Variants in PHF20L1 observed in about 807,000 individuals in gnomAD.
The protein encoded by PHF20L1 is PHD finger protein 20-like protein 1.
Under a neutral mutation model 125.5 loss-of-function variants are expected in PHF20L1, and 44 were observed. The ratio of observed to expected loss-of-function variants is 0.35; its 90% CI spans 0.28 to 0.45. The LOEUF (loss-of-function observed/expected upper bound fraction) is 0.45. Among genes scored for constraint, PHF20L1 ranks in the 20% least tolerant of loss-of-function variants. The pLI is 1.00. For missense variants in PHF20L1, 1,012 were observed against 1,217.2 expected (o/e 0.83, Z 2.51); for synonymous variants, 380 against 403.1 (o/e 0.94, Z 0.69).
At chr8:132,844,887 C>G (rs1330570546) in intron 20 of PHF20L1, among the ~76,000 whole-genome samples, 1 of 152,032 alleles carries the variant, frequency 6.6e-6, no homozygotes, top group Non-Finnish European at 1.5e-5. Flanking sequence ...CCATGTTGTT[C>G]TTAATGCTTT....
chr8:132,833,466 T>C (rs1016609184), intron 15 of PHF20L1, among the ~76,000 whole-genome samples: 1 of 152,104 alleles, frequency 6.6e-6, no homozygotes, highest in African/African-American at 2.4e-5. Flanking sequence ...TCAGTGGTTC[T>C]TCACCCCCGG....
intron 16 of PHF20L1, among the ~76,000 whole-genome samples, chr8:132,836,945 C>A (rs1036310280): frequency 1.3e-5 from 2 of 152,080 alleles, no homozygotes; most frequent in Non-Finnish European, 2.9e-5. Flanking sequence ...GTATGTAGTT[C>A]AGTGCCTTCA....
At chr8:132,828,418 A>T (rs150093576) in intron 14 of PHF20L1, among the ~76,000 whole-genome samples, 36 of 152,144 alleles carry the variant, frequency 2.4e-4, no homozygotes, top group African/African-American at 8.2e-4. Flanking sequence ...AGTCTGACTT[A>T]CAAGTCTGAA....
At chr8:132,804,782 G>C in intron 8 of PHF20L1, 42 bp downstream of exon 8, 2 of 1,515,252 alleles carry the variant, frequency 1.3e-6, no homozygotes, top group Non-Finnish European at 1.8e-6. Context: ...GGAAATGGAA[G>C]GTTTAATTTT....
intron 2 of PHF20L1, among the ~76,000 whole-genome samples, chr8:132,782,257 G>C (rs1830514900): frequency 6.8e-6 from 1 of 147,052 alleles, no homozygotes; most frequent in African/African-American, 2.7e-5. Flanking sequence ...AATTCAGACT[G>C]TTACTTATTA....
chr8:132,819,642 T>C (rs373427459), intron 12 of PHF20L1, among the ~76,000 whole-genome samples: 2 of 151,760 alleles, frequency 1.3e-5, no homozygotes, highest in South Asian at 2.1e-4. Context: ...CCCAAGTCCT[T>C]TTACATCTAG....
chr8:132,814,198 TAAAA>T (rs978475200), intron 9 of PHF20L1, among the ~76,000 whole-genome samples: 9 of 152,076 alleles, frequency 5.9e-5, no homozygotes, highest in African/African-American at 2.2e-4. Flanking sequence ...ACATTCAACT[TAAAA>T]GAAAAGATTT....
At chr8:132,835,730 A>AG (rs1837284294) in intron 15 of PHF20L1, among the ~76,000 whole-genome samples, 1 of 152,144 alleles carries the variant, frequency 6.6e-6, no homozygotes, top group Non-Finnish European at 1.5e-5. Context: ...ATACTGGTAA[A>AG]GTCATTAAGA....
intron 2 of PHF20L1, among the ~76,000 whole-genome samples, chr8:132,783,452 A>G (rs1830662832): frequency 6.6e-6 from 1 of 152,166 alleles, no homozygotes; most frequent in South Asian, 2.1e-4. Context: ...TGTTAATTTA[A>G]ATAAAATTAT....
chr8:132,843,765 C>G (rs1349585407), intron 19 of PHF20L1: 4 of 985,064 alleles, frequency 4.1e-6, no homozygotes. Context: ...TTTGGAAACG[C>G]TCTTGATTTC....
intron 15 of PHF20L1, among the ~76,000 whole-genome samples, chr8:132,832,929 CCCTTA>C (rs1563844312): frequency 2.0e-5 from 3 of 152,060 alleles, no homozygotes; most frequent in South Asian, 2.1e-4. Context: ...GAACTAAGCG[CCCTTA>C]GGTAGTCAGA....
chr8:132,827,952 C>G (rs1252342288), intron 14 of PHF20L1, among the ~76,000 whole-genome samples: 1 of 151,942 alleles, frequency 6.6e-6, no homozygotes, highest in Non-Finnish European at 1.5e-5. Context: ...TTAATTGTTG[C>G]ATTTGAGGAG....
chr8:132,803,836 C>G lies in PHF20L1; in HGVS notation c.525C>G (p.Val175=), dbSNP rs1168351766. 6.2e-7 allele frequency: 1 copy of G among 1,601,034 alleles called. No homozygotes were observed. Among genetic ancestry groups the G allele is most frequent in the Non-Finnish European group, 8.5e-7 (1 of 1,170,254 alleles). The change falls in exon 7 of 21, where the codon GTC becomes GTG. Residue 175 remains valine, a synonymous_variant. Coordinates refer to ENST00000395386, the MANE Select transcript of PHF20L1 (RefSeq NM_016018.5). Reference sequence around the variant, plus strand: ...CTTTGGAGGATTGGATAGCTTTAGTCAAAGCAGCTGCTGCAGCTGCAGCCA... The same window carrying G: ...CTTTGGAGGATTGGATAGCTTTAGTGAAAGCAGCTGCTGCAGCTGCAGCCA... ...SMGSEDWIAL[V]KAAAAAAAKN... is the part of the protein sequence containing the mutation.
At chr8:132,800,605 C>T (rs971760872) in intron 6 of PHF20L1, among the ~76,000 whole-genome samples, 1 of 151,664 alleles carries the variant, frequency 6.6e-6, no homozygotes, top group Non-Finnish European at 1.5e-5. Context: ...AGTAGTGCAA[C>T]AAATTAATGC....
At position 132,782,409 on chromosome 8, in the gene PHF20L1, A is replaced by C. The variant is rs116187831; in HGVS notation, c.83+4498A>C. On this transcript the variant is annotated intron_variant, in intron 2 of 20. Transcript: ENST00000395386. ...CTTTAAGTTCTACAGATGGGTACATAATCATAAAGCATTGAGGTAAATGCA... is the reference window on the plus strand; with the variant it reads ...CTTTAAGTTCTACAGATGGGTACATCATCATAAAGCATTGAGGTAAATGCA... Among the ~76,000 whole-genome samples the C allele has an allele frequency of 4.3e-3, 654 of 152,314 alleles. 4 individuals are homozygous for C. The highest frequency in any genetic ancestry group is 0.015 in the African/African-American group (621 of 41,568).
At position 132,844,319 on chromosome 8, in the gene PHF20L1, G is replaced by A. The variant is rs1417932589; in HGVS notation, c.2911+1G>A. On this transcript the variant is annotated splice_donor_variant, in intron 20 of 20. Coordinates refer to ENST00000395386, the MANE Select transcript of PHF20L1 (RefSeq NM_016018.5). LOFTEE classifies it high-confidence loss of function. ...GACCTAATAGAAAAAGAAGTCGATG[G>A]TAATTTAAGAAAGAACTAAAATACA... The A allele has an allele frequency of 6.3e-7, 1 of 1,599,064 alleles. No homozygotes were observed.
intron 6 of PHF20L1, among the ~76,000 whole-genome samples, chr8:132,800,329 T>G (rs1392430617): frequency 6.6e-6 from 1 of 151,732 alleles, no homozygotes; most frequent in African/African-American, 2.4e-5. Context: ...TAGTAGTATA[T>G]TTCTTTTAAT....
chr8:132,790,112 A>G (rs1207435840), intron 2 of PHF20L1, among the ~76,000 whole-genome samples: 2 of 152,214 alleles, frequency 1.3e-5, no homozygotes, highest in Non-Finnish European at 2.9e-5. Flanking sequence ...AAAAATGACA[A>G]AACAACAACA....
chr8:132,795,840 T>C (rs1282633401), intron 4 of PHF20L1, among the ~76,000 whole-genome samples: 2 of 152,072 alleles, frequency 1.3e-5, no homozygotes, highest in Admixed American at 6.6e-5. Flanking sequence ...TAAAATAGAA[T>C]AATCAAACAG....
Sources: allele counts gnomAD v4.1 joint callset (sites outside exome capture counted in the v4.1 genomes callset), GRCh38; gene constraint gnomAD v4.1.1; transcripts MANE v1.5; gene names NCBI Gene and HGNC (gene_info 2026-07-23, HGNC 2026-07-21).